Variants in SH3RF2 observed in about 807,000 individuals in gnomAD.
SH3RF2 encodes E3 ubiquitin-protein ligase SH3RF2.
In SH3RF2, 43 loss-of-function variants were observed where a neutral mutation model predicts 59.0. That is an observed-to-expected ratio of 0.73 (90% CI 0.57 to 0.94). SH3RF2 has a LOEUF of 0.94. Among genes scored for constraint, SH3RF2 ranks in the 40% least tolerant of loss-of-function variants. SH3RF2 has a pLI of 0.00. For synonymous variants in SH3RF2, 391 were observed against 391.5 expected (o/e 1.00, Z 0.01); for missense variants, 930 against 940.1 (o/e 0.99, Z 0.14).
chr5:146,039,252 A>G (rs1762046306), intron 5 of SH3RF2, among the ~76,000 whole-genome samples: 1 of 152,244 alleles, frequency 6.6e-6, no homozygotes, highest in Non-Finnish European at 1.5e-5. Flanking sequence ...CTTATTGAAG[A>G]CTGTTTAAAA....
At chr5:146,047,647 G>A in intron 5 of SH3RF2, 125 bp from the exon 6 acceptor site, 1 of 800,124 alleles carries the variant, frequency 1.2e-6, no homozygotes, top group Non-Finnish European at 2.0e-6. Context: ...CGCACAATGG[G>A]TGGCACCAGG....
chr5:145,991,780 A>G lies in SH3RF2; in HGVS notation c.379-8278A>G, dbSNP rs114038349. 4.4e-3 allele frequency among the ~76,000 whole-genome samples: 675 copies of G among 152,354 alleles called. 12 individuals carry two copies. Among genetic ancestry groups the G allele is most frequent in the African/African-American group, 0.015 (611 of 41,570 alleles). On this transcript the variant is annotated intron_variant, in intron 2 of 9. Transcript: ENST00000359120. ...ATATGCTCTCTCAGTAAGTCATTAAAATATGTAAGCTACTTGCACTGCAAA... is the reference window on the plus strand; with the variant it reads ...ATATGCTCTCTCAGTAAGTCATTAAGATATGTAAGCTACTTGCACTGCAAA...
rs1284196717 is a variant in SH3RF2 at position 146,010,384 on chromosome 5, T to G, written c.745-3363T>G. Among the ~76,000 whole-genome samples, 18 of 152,250 alleles carry G rather than the reference T, an allele frequency of 1.2e-4. 2 individuals carry two copies. The highest frequency in any genetic ancestry group is 5.8e-4 in the East Asian group (3 of 5,178). The stretch of plus-strand genomic sequence containing the variant: ...AGCAGCATGATTTATAATCCTTTGG[T>G]TATATACCCAGTAATGGGATGGCTG... On this transcript the variant is annotated intron_variant, in intron 4 of 9. Transcript: ENST00000359120.
At chr5:145,969,612 G>A (rs1380212121) in intron 2 of SH3RF2, among the ~76,000 whole-genome samples, 2 of 151,992 alleles carry the variant, frequency 1.3e-5, no homozygotes, top group Non-Finnish European at 2.9e-5. Flanking sequence ...GTACGTGCCT[G>A]TTATCCCAGC....
At chr5:146,018,099 A>T (rs1171514427) in intron 5 of SH3RF2, among the ~76,000 whole-genome samples, 2 of 151,912 alleles carry the variant, frequency 1.3e-5, no homozygotes, top group Admixed American at 6.6e-5. Flanking sequence ...TTTAATTTTA[A>T]TTTTTTCATT....
intron 2 of SH3RF2, among the ~76,000 whole-genome samples, chr5:145,968,654 A>G (rs773144421): frequency 7.2e-5 from 11 of 152,366 alleles, no homozygotes; most frequent in Non-Finnish European, 1.5e-4. Context: ...ATCCATCAAC[A>G]TATTATTTCA....
intron 8 of SH3RF2, 62 bp from the exon 9 acceptor site, chr5:146,059,804 G>A: frequency 8.0e-7 from 1 of 1,256,452 alleles, no homozygotes; most frequent in Non-Finnish European, 1.1e-6. Context: ...TGCTTACCCA[G>A]CCCCACCCAA....
intron 3 of SH3RF2, among the ~76,000 whole-genome samples, chr5:146,002,797 A>G (rs1483439587): frequency 6.6e-6 from 1 of 152,218 alleles, no homozygotes; most frequent in African/African-American, 2.4e-5. Context: ...CTGCGCATGC[A>G]AGGGATCTAA....
chr5:146,046,034 G>C (rs1375063626), intron 5 of SH3RF2, among the ~76,000 whole-genome samples: 1 of 152,016 alleles, frequency 6.6e-6, no homozygotes, highest in African/African-American at 2.4e-5. Flanking sequence ...TTGATCTTTG[G>C]ACTGTCACAA....
intron 5 of SH3RF2, among the ~76,000 whole-genome samples, chr5:146,033,167 A>G (rs1761799995): frequency 6.8e-6 from 1 of 147,784 alleles, no homozygotes; most frequent in Non-Finnish European, 1.5e-5. Flanking sequence ...TGTGAGGATT[A>G]TATGAGATAA....
At chr5:146,058,557 G>A (rs760789503) in intron 8 of SH3RF2, among the ~76,000 whole-genome samples, 1 of 152,206 alleles carries the variant, frequency 6.6e-6, no homozygotes, top group Non-Finnish European at 1.5e-5. Context: ...CGATGCAGAC[G>A]TGGCCTTGGC....
intron 9 of SH3RF2, among the ~76,000 whole-genome samples, chr5:146,074,605 A>C (rs1763306237): frequency 6.6e-6 from 1 of 152,206 alleles, no homozygotes; most frequent in Non-Finnish European, 1.5e-5. Context: ...AAACAAAACA[A>C]AAAAACCAGC....
intron 2 of SH3RF2, among the ~76,000 whole-genome samples, chr5:145,972,122 T>C (rs1175979465): frequency 1.3e-5 from 2 of 152,100 alleles, no homozygotes; most frequent in Non-Finnish European, 1.5e-5. Context: ...GCAGAACAAA[T>C]ATAGTTTGTT....
chr5:145,955,373 G>A (rs1377345302), intron 2 of SH3RF2, among the ~76,000 whole-genome samples: 1 of 152,112 alleles, frequency 6.6e-6, no homozygotes, highest in Non-Finnish European at 1.5e-5. Context: ...TGGTCATAAA[G>A]ATGGCAACAA....
In SH3RF2 at chr5:146,038,225, T is replaced by C. The variant is rs147592350; in HGVS notation, c.1060-9547T>C. Among the ~76,000 whole-genome samples the C allele has an allele frequency of 3.4e-3, 525 of 152,334 alleles. 5 individuals are homozygous for C. Among genetic ancestry groups the C allele is most frequent in the African/African-American group, 0.012 (490 of 41,576 alleles). On this transcript the variant is annotated intron_variant, in intron 5 of 9. Transcript: ENST00000359120. ...CTATTTAAATCAGTGGCAAACATCA[T>C]ACTTAATGGTGAAATGTTGAAGGCA...
chr5:145,937,145 C>G (rs1757618627), intron 1 of SH3RF2: 1 of 150,292 alleles, frequency 6.7e-6, no homozygotes, highest in Non-Finnish European at 1.5e-5. Context: ...TGTCTCTGAG[C>G]CTAAGGTAAT....
In SH3RF2 at chr5:146,000,294, G is replaced by A. The variant is rs770333904; in HGVS notation, c.615G>A (p.Lys205=). The A allele has an allele frequency of 6.2e-7, 1 of 1,613,648 alleles. No homozygotes were observed. The highest frequency in any genetic ancestry group is 8.5e-7 in the Non-Finnish European group (1 of 1,179,856). ...ACTTCGACCTACGAGGCAAGGACAA[G>A]AGTGAGAACCAGGATTGCCTGACCT... ...LYNFDLRGKD[K]SENQDCLTFL... Residue 205 remains lysine (K), a synonymous_variant, in exon 3 of 10, where the codon AAG becomes AAA. Transcript: ENST00000359120.
At chr5:146,028,318 G>C (rs1466478558) in intron 5 of SH3RF2, among the ~76,000 whole-genome samples, 1 of 152,232 alleles carries the variant, frequency 6.6e-6, no homozygotes, top group Non-Finnish European at 1.5e-5. Flanking sequence ...AAAGAGGGTA[G>C]TATAGACATG....
At chr5:146,072,146 A>T (rs1054233124) in intron 9 of SH3RF2, among the ~76,000 whole-genome samples, 41 of 152,320 alleles carry the variant, frequency 2.7e-4, no homozygotes, top group African/African-American at 9.9e-4. Flanking sequence ...TCCTGACCCC[A>T]CTTGTCAGCT....
Sources: allele counts gnomAD v4.1 joint callset (sites outside exome capture counted in the v4.1 genomes callset), GRCh38; gene constraint gnomAD v4.1.1; transcripts MANE v1.5; gene names NCBI Gene and HGNC (gene_info 2026-07-23, HGNC 2026-07-21).